The following TSHZ2 variants were observed in gnomAD, a reference collection of about 807,000 sequenced individuals.
TSHZ2 encodes teashirt homolog 2.
In TSHZ2, 21 loss-of-function variants were observed where a neutral mutation model predicts 74.4. The ratio of observed to expected loss-of-function variants is 0.28; its 90% confidence interval spans 0.20 to 0.41. TSHZ2 has a LOEUF of 0.41. TSHZ2 is among the 10% of genes least tolerant of loss of function. TSHZ2 has a pLI of 1.00. For missense variants in TSHZ2, 1,244 were observed against 1,293.5 expected (o/e 0.96, Z 0.59); for synonymous variants, 540 against 515.3 (o/e 1.05, Z -0.65).
At chr20:53,336,586 A>G (rs1032946130) in intron 2 of TSHZ2, among the ~76,000 whole-genome samples, 13 of 152,284 alleles carry the variant, frequency 8.5e-5, no homozygotes, top group Non-Finnish European at 1.5e-4. Flanking sequence ...AGTGAGGCCA[A>G]CACACACCCA....
intron 2 of TSHZ2, among the ~76,000 whole-genome samples, chr20:53,390,349 C>T (rs2145656859): frequency 6.6e-6 from 1 of 152,260 alleles, no homozygotes; most frequent in Non-Finnish European, 1.5e-5. Context: ...AATAATAGAG[C>T]TGCTTTTCTG....
intron 2 of TSHZ2, among the ~76,000 whole-genome samples, chr20:53,288,429 T>C (rs906466121): frequency 6.8e-6 from 1 of 148,118 alleles, no homozygotes; most frequent in African/African-American, 2.5e-5. Context: ...AAAAAAAAAC[T>C]AGCTACTGTT....
At chr20:53,195,483 T>A (rs1398187739) in intron 1 of TSHZ2, among the ~76,000 whole-genome samples, 1 of 152,174 alleles carries the variant, frequency 6.6e-6, no homozygotes, top group Admixed American at 6.5e-5. Flanking sequence ...TGTGTTTTCA[T>A]AAGAACTCCT....
rs144926699 is a variant in TSHZ2 at position 53,425,902 on chromosome 20, A to G, written c.*9-61242A>G. On this transcript the variant is annotated intron_variant, in intron 2 of 2. Coordinates refer to ENST00000371497, the MANE Select transcript of TSHZ2 (RefSeq NM_173485.6). ...TGAATTTGGTCCATCCCTCCCTTAC[A>G]TAGAACATGACAAAAAAGGGAATTC... Among the ~76,000 whole-genome samples, 135 of 152,206 alleles carry G rather than the reference A, an allele frequency of 8.9e-4. 2 individuals carry two copies. In the East Asian group the frequency reaches 0.022, roughly 25 times the overall value.
chr20:53,095,599 A>C (rs1396826390), intron 1 of TSHZ2, among the ~76,000 whole-genome samples: 1 of 152,198 alleles, frequency 6.6e-6, no homozygotes, highest in East Asian at 1.9e-4. Flanking sequence ...CTTGCTCCCC[A>C]AGGCTTGATT....
rs34687825 is a variant in TSHZ2 at position 53,323,563 on chromosome 20, C to CTTTTTTTTTTTT, written c.*8+67013_*8+67024dup. Among the ~76,000 whole-genome samples the CTTTTTTTTTTTT allele has an allele frequency of 2.6e-3, 96 of 36,678 alleles. 34 individuals carry two copies. Among genetic ancestry groups the CTTTTTTTTTTTT allele is most frequent in the Non-Finnish European group, 3.2e-3 (70 of 21,684 alleles). The allele number at this position is 36,678 out of a possible 152,430, so 24.1% of individuals were successfully genotyped here. A position where few individuals can be genotyped will look rare whatever the true frequency, so the allele number is the denominator to read the frequency against. ...CACCCGTTTTCATTGCCTTGGAGGG[C>CTTTTTTTTTTTT]TTTTTTTTTTTTTTTTTTTTTTTTT... On this transcript the variant is annotated intron_variant, in intron 2 of 2. Coordinates refer to ENST00000371497, the MANE Select transcript of TSHZ2 (RefSeq NM_173485.6).
chr20:53,043,442 A>G (rs1984118711), intron 1 of TSHZ2, among the ~76,000 whole-genome samples: 1 of 152,156 alleles, frequency 6.6e-6, no homozygotes. Context: ...CTCACAATGT[A>G]GGATCATCCT....
intron 1 of TSHZ2, among the ~76,000 whole-genome samples, chr20:53,097,423 G>A (rs985128840): frequency 6.6e-6 from 1 of 152,158 alleles, no homozygotes; most frequent in South Asian, 2.1e-4. Flanking sequence ...CAGAGATGGG[G>A]AAAGCATTCC....
At chr20:53,376,161 G>C (rs1262154603) in intron 2 of TSHZ2, among the ~76,000 whole-genome samples, 1 of 152,220 alleles carries the variant, frequency 6.6e-6, no homozygotes, top group African/African-American at 2.4e-5. Context: ...TTGCACTAAA[G>C]CTCTAAAGCA....
chr20:53,405,376 G>C (rs1982812758), intron 2 of TSHZ2, among the ~76,000 whole-genome samples: 1 of 152,070 alleles, frequency 6.6e-6, no homozygotes, highest in Non-Finnish European at 1.5e-5. Context: ...GGATTGTGTG[G>C]GCAGAACCAC....
chr20:53,230,179 T>G lies in TSHZ2; in HGVS notation c.41-23320T>G, dbSNP rs191519167. On this transcript the variant is annotated intron_variant, in intron 1 of 2. Coordinates refer to ENST00000371497, the MANE Select transcript of TSHZ2 (RefSeq NM_173485.6). ...CATTTGCTTTTTTCATATATTTATTTATTGATGATATCTCTCTATACTGTG... is the reference window on the plus strand; with the variant it reads ...CATTTGCTTTTTTCATATATTTATTGATTGATGATATCTCTCTATACTGTG... Among the ~76,000 whole-genome samples the G allele has an allele frequency of 1.7e-3, 262 of 152,334 alleles. 1 individual carries two copies. Among genetic ancestry groups the G allele is most frequent in the Non-Finnish European group, 3.0e-3 (204 of 68,026 alleles).
intron 1 of TSHZ2, among the ~76,000 whole-genome samples, chr20:53,236,063 C>T (rs1055690053): frequency 6.6e-6 from 1 of 152,184 alleles, no homozygotes; most frequent in African/African-American, 2.4e-5. Context: ...GCAAAGAAAG[C>T]AGTCAATTCA....
chr20:53,067,536 CA>C (rs1384427258), intron 1 of TSHZ2, among the ~76,000 whole-genome samples: 1 of 152,166 alleles, frequency 6.6e-6, no homozygotes. Context: ...TCATCAGTGC[CA>C]AAAATATACA....
At chr20:53,471,596 T>C (rs1985800860) in intron 2 of TSHZ2, among the ~76,000 whole-genome samples, 2 of 152,070 alleles carry the variant, frequency 1.3e-5, no homozygotes, top group African/African-American at 4.8e-5. Flanking sequence ...ACTTCAAGGA[T>C]GAAAAGGTGC....
intron 1 of TSHZ2, among the ~76,000 whole-genome samples, chr20:52,973,675 C>T (rs1384173634): frequency 6.6e-6 from 1 of 152,168 alleles, no homozygotes; most frequent in African/African-American, 2.4e-5. Context: ...GAGACAGCCC[C>T]TCCACCCCTG....
intron 1 of TSHZ2, among the ~76,000 whole-genome samples, chr20:53,103,668 C>T (rs900283383): frequency 2.6e-5 from 4 of 152,274 alleles, no homozygotes; most frequent in African/African-American, 9.6e-5. Flanking sequence ...GGTAGGTTGA[C>T]CTGACATCTG....
At chr20:53,340,647 T>G (rs541890518) in intron 2 of TSHZ2, among the ~76,000 whole-genome samples, 3 of 152,248 alleles carry the variant, frequency 2.0e-5, no homozygotes, top group African/African-American at 2.4e-5. Flanking sequence ...AGGATCCCCA[T>G]GTAGCCTTCA....
intron 1 of TSHZ2, among the ~76,000 whole-genome samples, chr20:53,082,392 T>G (rs1174209678): frequency 6.6e-6 from 1 of 152,214 alleles, no homozygotes; most frequent in African/African-American, 2.4e-5. Flanking sequence ...TTGGAGCCTC[T>G]TATCTTTCTC....
intron 1 of TSHZ2, among the ~76,000 whole-genome samples, chr20:52,995,549 A>G (rs1339972948): frequency 1.3e-5 from 2 of 152,156 alleles, no homozygotes; most frequent in Non-Finnish European, 2.9e-5. Context: ...ATAGGGTTGC[A>G]ACCAAGTGCT....
Sources: gnomAD v4.1 joint callset for allele counts (sites outside exome capture counted in the v4.1 genomes callset) on GRCh38, gnomAD v4.1.1 for gene constraint, MANE v1.5 for transcripts, NCBI Gene and HGNC (gene_info 2026-07-23, HGNC 2026-07-21) for gene names.